The following CPPED1 variants were observed in gnomAD, a reference collection of about 807,000 sequenced individuals.
CPPED1 encodes the protein serine/threonine-protein phosphatase CPPED1.
CPPED1 carries 28 observed loss-of-function variants against 28.0 expected under a neutral mutation model. The ratio of observed to expected loss-of-function variants is 1.00; its 90% CI spans 0.74 to 1.37. The LOEUF (loss-of-function observed/expected upper bound fraction) is 1.37. Among genes scored for constraint, CPPED1 ranks in the 40% most tolerant of loss-of-function variants. CPPED1 has a pLI of 0.00. For synonymous variants in CPPED1, 198 were observed against 180.2 expected, an observed-to-expected ratio of 1.10 and a Z score of -0.79; for missense variants, 504 against 416.5, an observed-to-expected ratio of 1.21 and a Z score of -1.83.
rs11640403 is a variant in CPPED1, at chr16:12,769,411, T to C, written c.289+11774A>G. ...TGATGAAGGAATCCGAGGCACAAAA[T>C]GGGTTAAGACGCCGAGACTTGGAAT... On this transcript the variant is annotated intron_variant, in intron 2 of 3. Transcript: ENST00000381774. Among the ~76,000 whole-genome samples the C allele has an allele frequency of 3.0e-3, 456 of 152,200 alleles. 2 individuals are homozygous for C. Among genetic ancestry groups the C allele is most frequent in the Non-Finnish European group, 5.6e-3 (379 of 68,014 alleles).
At chr16:12,718,132 T>G (rs1268035808) in intron 2 of CPPED1, among the ~76,000 whole-genome samples, 2 of 152,204 alleles carry the variant, frequency 1.3e-5, no homozygotes, top group Admixed American at 1.3e-4. Context: ...GTTAGCTCCA[T>G]GAATTTCAAT....
rs549511967 is a variant in CPPED1, at chr16:12,666,992, G to C, written c.716-1877C>G. On this transcript the variant is annotated intron_variant, in intron 3 of 3. Coordinates refer to ENST00000381774, the MANE Select transcript of CPPED1 (RefSeq NM_018340.3). ...AGACACAGGTTCAAGTCTAGGAACT[G>C]AAATGACTTCCCCGATATTACCATG... Among the ~76,000 whole-genome samples the C allele has an allele frequency of 5.3e-5, 8 of 151,370 alleles. No individual in the cohort carries two copies. In the South Asian group the frequency reaches 8.5e-4, roughly 16 times the overall value.
At chr16:12,722,463 C>T (rs1011721685) in intron 2 of CPPED1, among the ~76,000 whole-genome samples, 6 of 152,218 alleles carry the variant, frequency 3.9e-5, no homozygotes, top group Admixed American at 3.9e-4. Flanking sequence ...CCCAGCTGGG[C>T]GCGGTGGCTC....
chr16:12,798,112 T>C (rs1209357800), intron 1 of CPPED1, among the ~76,000 whole-genome samples: 1 of 152,010 alleles, frequency 6.6e-6, no homozygotes, highest in African/African-American at 2.4e-5. Flanking sequence ...AATAAATAAA[T>C]AAATTTTTGA....
At chr16:12,784,725 G>C (rs1426219094) in intron 1 of CPPED1, among the ~76,000 whole-genome samples, 1 of 152,176 alleles carries the variant, frequency 6.6e-6, no homozygotes, top group Non-Finnish European at 1.5e-5. Context: ...CCAGATAAGG[G>C]AGGTGAACAC....
intron 2 of CPPED1, among the ~76,000 whole-genome samples, chr16:12,769,066 T>C (rs1452528218): frequency 6.6e-6 from 1 of 152,048 alleles, no homozygotes; most frequent in African/African-American, 2.4e-5. Flanking sequence ...GGTTTTACCA[T>C]GTTGGTCAGG....
At chr16:12,793,935 A>G (rs1289881485) in intron 1 of CPPED1, among the ~76,000 whole-genome samples, 1 of 152,218 alleles carries the variant, frequency 6.6e-6, no homozygotes, top group Non-Finnish European at 1.5e-5. Context: ...AACAAAATGC[A>G]ATTTTTGCAG....
chr16:12,778,541 A>C (rs755827009), intron 2 of CPPED1, among the ~76,000 whole-genome samples: 11 of 152,118 alleles, frequency 7.2e-5, no homozygotes, highest in Non-Finnish European at 1.6e-4. Context: ...GTCCCAAAGT[A>C]CTGGGATTGC....
chr16:12,768,953 C>A (rs1348250309), intron 2 of CPPED1, among the ~76,000 whole-genome samples: 1 of 151,676 alleles, frequency 6.6e-6, no homozygotes, highest in African/African-American at 2.4e-5. Flanking sequence ...GCAACCTCCA[C>A]CTCCTGGGTT....
chr16:12,670,242 C>T lies in CPPED1; in HGVS notation c.716-5127G>A, dbSNP rs960800966. On this transcript the variant is annotated intron_variant, in intron 3 of 3. Transcript: ENST00000381774. The surrounding 1 kb of genome is among the most constrained non-coding windows in gnomAD (Gnocchi z 4.2). ...CCTGGAAGTTTGAAGCTACAGTGAG[C>T]TATGACCGCACCATTGCATTCCAGT... Among the ~76,000 whole-genome samples the T allele has an allele frequency of 4.6e-5, 7 of 152,196 alleles. No individual in the cohort carries two copies. Among genetic ancestry groups the T allele is most frequent in the African/African-American group, 1.7e-4 (7 of 41,462 alleles).
chr16:12,689,217 C>CTT (rs869107040), intron 3 of CPPED1, among the ~76,000 whole-genome samples: 1,861 of 83,448 alleles, frequency 0.022, 86 homozygotes, highest in African/African-American at 0.07. Context: ...GAAAAGAGGG[C>CTT]TTTTTTTTTT....
intron 2 of CPPED1, among the ~76,000 whole-genome samples, chr16:12,766,363 C>A (rs921631887): frequency 6.6e-6 from 1 of 151,396 alleles, no homozygotes; most frequent in Non-Finnish European, 1.5e-5. Flanking sequence ...ATACCTCAGA[C>A]TGTGAAGGAA....
intron 2 of CPPED1, among the ~76,000 whole-genome samples, chr16:12,713,420 C>T (rs967662982): frequency 3.7e-4 from 56 of 152,260 alleles, no homozygotes; most frequent in Middle Eastern, 6.8e-3. Context: ...GGCTGGAGTG[C>T]AGTGGCGCAA....
intron 2 of CPPED1, among the ~76,000 whole-genome samples, chr16:12,726,848 C>G (rs2080172694): frequency 1.3e-5 from 2 of 151,996 alleles, no homozygotes; most frequent in South Asian, 4.2e-4. Flanking sequence ...AATAAAGCAG[C>G]AATAGTGTAC....
intron 3 of CPPED1, among the ~76,000 whole-genome samples, chr16:12,691,582 G>C (rs2079963004): frequency 6.6e-6 from 1 of 152,100 alleles, no homozygotes; most frequent in Admixed American, 6.5e-5. Flanking sequence ...AACAATCATA[G>C]ACTGGATTAA....
rs571387231 is a variant in CPPED1, at chr16:12,764,452, C to A, written c.289+16733G>T. On this transcript the variant is annotated intron_variant, in intron 2 of 3. Transcript: ENST00000381774. ...TCCTGAGCTCAAGTGATCTGCCCACCTTGGCCTCTCAAAGTGCTGAGATTA... is the reference window on the plus strand; with the variant it reads ...TCCTGAGCTCAAGTGATCTGCCCACATTGGCCTCTCAAAGTGCTGAGATTA... 8.5e-5 allele frequency among the ~76,000 whole-genome samples: 13 copies of A among 152,252 alleles called. No individual in the cohort carries two copies. In the East Asian group the frequency reaches 2.5e-3, roughly 29 times the overall value.
In CPPED1 at chr16:12,665,169, TA is replaced by T; in HGVS notation, c.716-55del. ...GGCCGAGGACTTCCATTAGGTAACCTAGGGTCTCCAGCATTTTATTCTGTGA... is the reference window on the plus strand; with the variant it reads ...GGCCGAGGACTTCCATTAGGTAACCTGGGTCTCCAGCATTTTATTCTGTGA... On this transcript the variant is annotated intron_variant, in intron 3 of 3. Coordinates refer to ENST00000381774, the MANE Select transcript of CPPED1 (RefSeq NM_018340.3). The T allele has an allele frequency of 7.2e-6, 11 of 1,529,558 alleles. No homozygotes were observed. The South Asian group carries it at 1.3e-4, about 18-fold the overall frequency. The allele number at this position is 1,529,558 out of a possible 1,614,324, so 94.7% of individuals were successfully genotyped here. A position where few individuals can be genotyped will look rare whatever the true frequency, so the allele number is the denominator to read the frequency against.
chr16:12,785,946 A>C lies in CPPED1; in HGVS notation c.71-4543T>G, dbSNP rs1165873670. Among the ~76,000 whole-genome samples the C allele has an allele frequency of 3.9e-5, 6 of 152,006 alleles. No homozygotes were observed. The East Asian group carries it at 7.7e-4, about 20-fold the overall frequency. ...TATTTGTCATTACTGGAAAAAAAAA[A>C]AAAACCAAAAGACACTCAGGGGTCC... is the stretch of plus-strand genomic sequence containing the variant. On this transcript the variant is annotated intron_variant, in intron 1 of 3. Transcript: ENST00000381774.
intron 2 of CPPED1, among the ~76,000 whole-genome samples, chr16:12,749,813 C>G (rs1321853273): frequency 2.0e-5 from 3 of 152,126 alleles, no homozygotes; most frequent in African/African-American, 4.8e-5. Flanking sequence ...TGGTCTTGAA[C>G]CCCTGACCTC....
Sources: gnomAD v4.1 joint callset for allele counts (sites outside exome capture counted in the v4.1 genomes callset) on GRCh38, gnomAD v4.1.1 for gene constraint, Gnocchi (gnomAD v3.1) non-coding constraint, MANE v1.5 for transcripts, NCBI Gene and HGNC (gene_info 2026-07-23, HGNC 2026-07-21) for gene names.